DNAJC9: variants seen among roughly 807,000 people sequenced by gnomAD.
DNAJC9 encodes the protein DnaJ heat shock protein family (Hsp40) member C9.
Under a neutral mutation model 32.4 loss-of-function variants are expected in DNAJC9, and 18 were observed. The observed-to-expected ratio is 0.56, with a 90% CI of 0.38 to 0.82. The LOEUF is 0.82. Ranked by LOEUF, DNAJC9 falls within the 40% of genes least tolerant of loss-of-function variation. DNAJC9 has a pLI of 0.00. For synonymous variants in DNAJC9, 113 were observed against 122.1 expected, an observed-to-expected ratio of 0.93 and a Z score of 0.49; for missense variants, 310 against 321.8, an observed-to-expected ratio of 0.96 and a Z score of 0.28.
chr10:73,240,445 G>T (rs1304829043), downstream of DNAJC9, among the ~76,000 whole-genome samples: 2 of 152,292 alleles, frequency 1.3e-5, no homozygotes, highest in East Asian at 3.9e-4. Context: ...GGGCGTGGTG[G>T]CTCATGCCTG....
Position 73,246,002 on chromosome 10 carries a change from C to G in DNAJC9, c.496G>C (p.Ala166Pro), listed in dbSNP as rs770611490. ...EPRIRNIIQQ[A>P]IDAGEVPSYN... ...GATGGGACCTCTCCGGCGTCAATAG[C>G]TTGCTGAATGATATTCCTTATCCTG... The change falls in exon 3 of 5, where the codon GCT (alanine) becomes CCT (proline). Residue 166 changes from alanine (A) to proline (P), a missense_variant. Ala to Pro is a conservative substitution (Grantham distance 27). Transcript: ENST00000372950. The G allele has an allele frequency of 1.2e-6, 2 of 1,613,714 alleles. No homozygotes were observed. The highest frequency in any genetic ancestry group is 1.7e-6 in the Non-Finnish European group (2 of 1,179,792).
At chr10:73,246,271 T>G in intron 2 of DNAJC9, 95 bp from the exon 3 acceptor site, 2 of 1,323,736 alleles carry the variant, frequency 1.5e-6, no homozygotes, top group Non-Finnish European at 2.1e-6. Flanking sequence ...ATTGCTGCAA[T>G]ACAACAGTTG....
chr10:73,232,520 CTT>C (rs2043729667), intron 2 of DNAJC9, among the ~76,000 whole-genome samples: 1 of 152,220 alleles, frequency 6.6e-6, no homozygotes, highest in African/African-American at 2.4e-5. Context: ...CAATATTTGT[CTT>C]TCAGTTGTCT....
In DNAJC9 at chr10:73,243,239, C is replaced by G. The variant is rs555896356; in HGVS notation, c.*161G>C. The G allele has an allele frequency of 5.9e-5, 42 of 707,504 alleles. 1 individual carries two copies. Among genetic ancestry groups the G allele is most frequent in the South Asian group, 5.6e-4 (31 of 55,044 alleles). 43.8% of individuals were successfully genotyped at this position (707,504 alleles called of 1,614,324 possible). ...AGTGCTTTCTAGGAAATACTAAGATCAGGTTGAGAGATTCTGCTTGGTCTA... is the reference window on the plus strand; with the variant it reads ...AGTGCTTTCTAGGAAATACTAAGATGAGGTTGAGAGATTCTGCTTGGTCTA... On this transcript the variant is annotated 3_prime_UTR_variant, in exon 5 of 5. Coordinates refer to ENST00000372950, the MANE Select transcript of DNAJC9 (RefSeq NM_015190.5).
At chr10:73,233,448 C>T (rs954285804) in intron 2 of DNAJC9, among the ~76,000 whole-genome samples, 1 of 152,068 alleles carries the variant, frequency 6.6e-6, no homozygotes, top group Non-Finnish European at 1.5e-5. Context: ...AAGTGGTTCT[C>T]CCACCCCAGC....
rs747492856 is a variant in DNAJC9 at position 73,245,967 on chromosome 10, G to A, written c.531C>T (p.Ala177=). 3 of 1,612,982 alleles carry A rather than the reference G, an allele frequency of 1.9e-6. No individual in the cohort carries two copies. Among genetic ancestry groups the A allele is most frequent in the African/African-American group, 2.7e-5 (2 of 74,914 alleles). ...IDAGEVPSYN[A]FVKESKQKMN... is the part of the protein sequence containing the mutation. ...TCTTTTGTTTCGATTCTTTGACAAA[G>A]GCATTATAGGATGGGACCTCTCCGG... Residue 177 remains alanine (A), a synonymous_variant, in exon 3 of 5, where the codon GCC becomes GCT. Transcript: ENST00000372950.
At chr10:73,232,540 G>A (rs927536617) in intron 2 of DNAJC9, among the ~76,000 whole-genome samples, 12 of 152,206 alleles carry the variant, frequency 7.9e-5, no homozygotes, top group African/African-American at 2.9e-4. Flanking sequence ...TCTTTCTGGT[G>A]ACAATCTTTC....
At chr10:73,235,721 A>G (rs2043805280), downstream of DNAJC9, among the ~76,000 whole-genome samples, 1 of 152,162 alleles carries the variant, frequency 6.6e-6, no homozygotes, top group African/African-American at 2.4e-5. Context: ...TTTTTTCAGA[A>G]GCAGGCTCTT....
At position 73,247,209 on chromosome 10, in the gene DNAJC9, C is replaced by T. The variant is rs1474602660; in HGVS notation, c.-20G>A. The T allele has an allele frequency of 1.3e-6, 2 of 1,579,414 alleles. No homozygotes were observed. Among genetic ancestry groups the T allele is most frequent in the African/African-American group, 2.7e-5 (2 of 73,806 alleles). On this transcript the variant is annotated 5_prime_UTR_variant, in exon 1 of 5. Transcript: ENST00000372950. ...CCCCATGCCGGGCGGAGATACGACC[C>T]CGGAGGAAGCAGCCGCTCCCAGCTG...
At chr10:73,236,182 G>C (rs1299511902), downstream of DNAJC9, among the ~76,000 whole-genome samples, 1 of 151,916 alleles carries the variant, frequency 6.6e-6, no homozygotes, top group African/African-American at 2.4e-5. Flanking sequence ...TCAGACCTCT[G>C]TATTAGTTTC....
chr10:73,235,105 C>A (rs1215517728), downstream of DNAJC9: 5 of 1,467,896 alleles, frequency 3.4e-6, no homozygotes, highest in Non-Finnish European at 4.6e-6. Flanking sequence ...CCTGCACTTA[C>A]CATATCTGCC....
chr10:73,235,107 A>C, downstream of DNAJC9: 1 of 1,468,828 alleles, frequency 6.8e-7, no homozygotes, highest in East Asian at 2.5e-5. Context: ...TGCACTTACC[A>C]TATCTGCCAT....
intron 3 of DNAJC9, 170 bp from the exon 4 acceptor site, chr10:73,244,099 G>A: frequency 1.7e-6 from 1 of 594,986 alleles, no homozygotes; most frequent in Non-Finnish European, 3.0e-6. Flanking sequence ...AATGCTGACA[G>A]CAAGCAGTAG....
downstream of DNAJC9, chr10:73,234,538 C>G (rs933846545): frequency 5.7e-6 from 2 of 353,052 alleles, no homozygotes; most frequent in Non-Finnish European, 1.0e-5. Flanking sequence ...AAGTGCAATA[C>G]CAGATAGGGA....
intron 3 of DNAJC9, 140 bp from the exon 4 acceptor site, chr10:73,244,069 G>T: frequency 1.5e-6 from 1 of 652,322 alleles, no homozygotes; most frequent in Non-Finnish European, 2.6e-6. Flanking sequence ...ACATAACTAT[G>T]TCATTCATTA....
At chr10:73,235,251 A>G (rs760404543), downstream of DNAJC9, 197 of 1,551,762 alleles carry the variant, frequency 1.3e-4, 2 homozygotes, top group Middle Eastern at 1.7e-4. Flanking sequence ...CCTAACTATC[A>G]GCAGCCACAA....
downstream of DNAJC9, among the ~76,000 whole-genome samples, chr10:73,237,439 C>T (rs966061094): frequency 6.6e-6 from 1 of 150,506 alleles, no homozygotes; most frequent in Non-Finnish European, 1.5e-5. Context: ...TTTTTTGAGA[C>T]GGAGTCTTAC....
chr10:73,238,390 T>C (rs535782370), downstream of DNAJC9, among the ~76,000 whole-genome samples: 3 of 152,352 alleles, frequency 2.0e-5, no homozygotes, highest in South Asian at 4.1e-4. Flanking sequence ...GGCCTGGCAC[T>C]ACAGACTAGC....
At chr10:73,234,910 T>C (rs543277642), downstream of DNAJC9, 23 of 1,552,072 alleles carry the variant, frequency 1.5e-5, no homozygotes, top group African/African-American at 2.2e-4. Context: ...AAGTGGAACA[T>C]GTGAGCACTG....
Sources: gnomAD v4.1 joint callset for allele counts (sites outside exome capture counted in the v4.1 genomes callset) on GRCh38, gnomAD v4.1.1 for gene constraint, MANE v1.5 for transcripts, NCBI Gene and HGNC (gene_info 2026-07-23, HGNC 2026-07-21) for gene names.